Variants in UBP1 observed in about 807,000 individuals in gnomAD.
UBP1 encodes the protein upstream binding protein 1.
Under a neutral mutation model 76.1 loss-of-function variants are expected in UBP1, and 22 were observed. That is an observed-to-expected ratio of 0.29 (90% CI 0.21 to 0.41). The LOEUF (loss-of-function observed/expected upper bound fraction) is 0.41, where lower values mean the gene tolerates loss of function less well. Among genes scored for constraint, UBP1 ranks in the 10% least tolerant of loss-of-function variants. The pLI is 1.00. For missense variants in UBP1, 436 were observed against 668.1 expected (o/e 0.65, Z 3.83); for synonymous variants, 224 against 237.1 (o/e 0.94, Z 0.51).
chr3:33,432,371 T>C (rs964295390), intron 1 of UBP1, among the ~76,000 whole-genome samples: 1 of 152,208 alleles, frequency 6.6e-6, no homozygotes, highest in Admixed American at 6.5e-5. Flanking sequence ...AAAAAATTTT[T>C]TGGTTAAAAC....
At chr3:33,400,843 C>T in intron 10 of UBP1, 119 bp downstream of exon 10, 2 of 946,664 alleles carry the variant, frequency 2.1e-6, no homozygotes, top group Non-Finnish European at 3.2e-6. Flanking sequence ...ACTCGATTAC[C>T]ACACATTACC....
intron 3 of UBP1, among the ~76,000 whole-genome samples, chr3:33,413,649 G>A (rs1326953821): frequency 6.6e-6 from 1 of 151,676 alleles, no homozygotes; most frequent in Admixed American, 6.6e-5. Flanking sequence ...ACTTAGGCCA[G>A]GTGCGGTGGG....
chr3:33,388,878 G>T lies in UBP1; in HGVS notation c.*1453C>A, dbSNP rs957917272. ...CTGAAGTAGTTTGTCTTCTGGGAGA[G>T]ATTTCAAACTCAAAATTACTCATTT... On this transcript the variant is annotated 3_prime_UTR_variant, in exon 16 of 16. Transcript: ENST00000283629. The T allele has an allele frequency of 3.3e-5, 5 of 152,174 alleles. No homozygotes were observed. The highest frequency in any genetic ancestry group is 9.7e-5 in the African/African-American group (4 of 41,438). The allele number at this position is 152,174 out of a possible 1,614,324, so 9.4% of individuals were successfully genotyped here. A position where few individuals can be genotyped will look rare whatever the true frequency, so the allele number is the denominator to read the frequency against.
chr3:33,420,147 TTATTTC>T (rs1415618243), intron 2 of UBP1, among the ~76,000 whole-genome samples: 2 of 152,192 alleles, frequency 1.3e-5, no homozygotes, highest in Non-Finnish European at 2.9e-5. Flanking sequence ...TTTAGAAACC[TTATTTC>T]TAAAGTCCTA....
chr3:33,394,512 C>CCACA (rs1359596451), intron 13 of UBP1, among the ~76,000 whole-genome samples: 2 of 134,082 alleles, frequency 1.5e-5, no homozygotes, highest in African/African-American at 6.0e-5. Context: ...AAAGCCCCAG[C>CCACA]CACATTCCAG....
At chr3:33,415,772 CAAAG>C (rs764391220) in intron 3 of UBP1, among the ~76,000 whole-genome samples, 8 of 151,194 alleles carry the variant, frequency 5.3e-5, no homozygotes, top group Non-Finnish European at 1.5e-5. Flanking sequence ...AAACACAGAA[CAAAG>C]AAAGACAAAA....
Position 33,432,545 on chromosome 3 carries a change from T to A in UBP1, c.114-6804A>T, listed in dbSNP as rs537516869. On this transcript the variant is annotated intron_variant, in intron 1 of 15. Coordinates refer to ENST00000283629, the MANE Select transcript of UBP1 (RefSeq NM_014517.5). ...CAAATACAAGCAACTGTGGTCCTAC[T>A]CTACTCAAAATCACTGCTAAAAATA... Among the ~76,000 whole-genome samples, 64 of 152,318 alleles carry A rather than the reference T, an allele frequency of 4.2e-4. 2 individuals carry two copies. The South Asian group carries it at 0.013, about 31-fold the overall frequency.
At chr3:33,438,010 C>CA (rs1345521897) in intron 1 of UBP1, among the ~76,000 whole-genome samples, 1 of 151,818 alleles carries the variant, frequency 6.6e-6, no homozygotes, top group Non-Finnish European at 1.5e-5. Context: ...ATGACACAAC[C>CA]AAAAAAGAAT....
intron 4 of UBP1, among the ~76,000 whole-genome samples, chr3:33,412,318 T>C (rs999133118): frequency 6.6e-6 from 1 of 151,964 alleles, no homozygotes; most frequent in African/African-American, 2.4e-5. Context: ...CTCTCGGTTC[T>C]TTATAATACG....
chr3:33,422,687 T>G (rs563460145), intron 2 of UBP1, among the ~76,000 whole-genome samples: 17 of 127,338 alleles, frequency 1.3e-4, no homozygotes, highest in African/African-American at 4.3e-4. Context: ...ATTGTACCAC[T>G]ACACTCCAGT....
intron 13 of UBP1, among the ~76,000 whole-genome samples, chr3:33,395,849 C>CAA (rs1185296193): frequency 1.3e-4 from 14 of 105,890 alleles, no homozygotes; most frequent in African/African-American, 3.9e-4. Context: ...TAAATCTGAC[C>CAA]AAAAAAAAAA....
At chr3:33,398,909 G>T (rs1017307686) in intron 11 of UBP1, among the ~76,000 whole-genome samples, 1 of 152,180 alleles carries the variant, frequency 6.6e-6, no homozygotes, top group Non-Finnish European at 1.5e-5. Context: ...CACATAAAAG[G>T]CTTTACTTAA....
At chr3:33,405,947 A>T (rs1373702693) in intron 8 of UBP1, among the ~76,000 whole-genome samples, 27 of 152,166 alleles carry the variant, frequency 1.8e-4, no homozygotes, top group Admixed American at 1.6e-3. Context: ...CTACCCAATT[A>T]TGTATCTCCT....
intron 2 of UBP1, among the ~76,000 whole-genome samples, chr3:33,419,620 C>T (rs1241902907): frequency 7.1e-6 from 1 of 141,762 alleles, no homozygotes; most frequent in Non-Finnish European, 1.5e-5. Flanking sequence ...AAGAGGGAGA[C>T]TCCATCTCAA....
At chr3:33,391,365 C>T (rs532883385) in intron 15 of UBP1, 1 of 152,308 alleles carries the variant, frequency 6.6e-6, no homozygotes, top group African/African-American at 2.4e-5. Context: ...GGAATCCCTC[C>T]TCTTTAATGT....
At chr3:33,401,389 A>G (rs1233766745) in intron 9 of UBP1, among the ~76,000 whole-genome samples, 1 of 152,258 alleles carries the variant, frequency 6.6e-6, no homozygotes, top group Non-Finnish European at 1.5e-5. Context: ...ATAGTTGAAA[A>G]TAATTGCAAA....
chr3:33,428,181 CAA>C (rs59049122), intron 1 of UBP1, among the ~76,000 whole-genome samples: 3 of 57,230 alleles, frequency 5.2e-5, no homozygotes, highest in Admixed American at 2.2e-4. Context: ...GATTCCATCT[CAA>C]AAAAAAAAAA....
At chr3:33,391,587 C>T (rs2043766466) in intron 15 of UBP1, 1 of 152,130 alleles carries the variant, frequency 6.6e-6, no homozygotes, top group South Asian at 2.1e-4. Context: ...GTTGATTTAC[C>T]CCAACCATAC....
At chr3:33,414,177 C>G (rs918886349) in intron 3 of UBP1, 3 of 151,724 alleles carry the variant, frequency 2.0e-5, no homozygotes, top group Non-Finnish European at 4.4e-5. Context: ...TAGAATTTGT[C>G]TAGCAGGTTT....
Sources: gnomAD v4.1 joint callset for allele counts (sites outside exome capture counted in the v4.1 genomes callset) on GRCh38, gnomAD v4.1.1 for gene constraint, MANE v1.5 for transcripts, NCBI Gene and HGNC (gene_info 2026-07-23, HGNC 2026-07-21) for gene names.